Variants in GNG12 observed in about 807,000 individuals in gnomAD.
The protein encoded by GNG12 is guanine nucleotide-binding protein G(I)/G(S)/G(O) subunit gamma-12.
For missense variants in GNG12, 69 were observed against 83.8 expected (o/e 0.82, Z 0.69); for synonymous variants, 28 against 29.7 (o/e 0.94, Z 0.19).
chr1:67,782,419 C>G (rs1366294101), intron 1 of GNG12, among the ~76,000 whole-genome samples: 1 of 152,156 alleles, frequency 6.6e-6, no homozygotes. Flanking sequence ...AAAGGTTGAA[C>G]TGGCCTATTT....
chr1:67,812,315 C>A, intron 1 of GNG12, among the ~76,000 whole-genome samples: 1 of 152,282 alleles, frequency 6.6e-6, no homozygotes, highest in African/African-American at 2.4e-5. Flanking sequence ...GAGCTCATCT[C>A]ATTGATTTTC....
intron 1 of GNG12, among the ~76,000 whole-genome samples, chr1:67,800,280 A>G (rs1489730960): frequency 1.3e-5 from 2 of 152,224 alleles, no homozygotes; most frequent in Non-Finnish European, 2.9e-5. Context: ...TGATCTCATC[A>G]GCAAAGTCGA....
At chr1:67,774,074 T>G (rs1165397004) in intron 2 of GNG12, among the ~76,000 whole-genome samples, 1 of 152,180 alleles carries the variant, frequency 6.6e-6, no homozygotes, top group Non-Finnish European at 1.5e-5. Context: ...TGTGTGGCAT[T>G]ATCTTTATGA....
At chr1:67,831,784 T>TA (rs1377606218) in intron 1 of GNG12, among the ~76,000 whole-genome samples, 12 of 152,222 alleles carry the variant, frequency 7.9e-5, no homozygotes, top group East Asian at 1.9e-4. Flanking sequence ...ATAATTTGGT[T>TA]AAAAAAACAA....
intron 2 of GNG12, among the ~76,000 whole-genome samples, chr1:67,738,514 CCCCTGG>C (rs1456519590): frequency 6.6e-6 from 1 of 152,154 alleles, no homozygotes; most frequent in Non-Finnish European, 1.5e-5. Context: ...CTTCAACCTC[CCCCTGG>C]AGCTCTGGTC....
intron 2 of GNG12, among the ~76,000 whole-genome samples, chr1:67,720,086 T>C (rs1410309754): frequency 6.6e-6 from 1 of 152,206 alleles, no homozygotes; most frequent in Non-Finnish European, 1.5e-5. Context: ...CCACAGATGC[T>C]CACTTGCTTG....
intron 2 of GNG12, among the ~76,000 whole-genome samples, chr1:67,752,359 A>G (rs1329922593): frequency 1.3e-5 from 2 of 152,258 alleles, no homozygotes; most frequent in African/African-American, 4.8e-5. Context: ...TGAATGTACC[A>G]GGATCACAAC....
chr1:67,833,013 G>A (rs1647058671), intron 1 of GNG12, among the ~76,000 whole-genome samples: 1 of 152,022 alleles, frequency 6.6e-6, no homozygotes, highest in Admixed American at 6.5e-5. Context: ...CCCAGCCCTA[G>A]CCCCAGCCAC....
At chr1:67,771,493 C>T (rs1646674349) in intron 2 of GNG12, among the ~76,000 whole-genome samples, 1 of 152,222 alleles carries the variant, frequency 6.6e-6, no homozygotes, top group South Asian at 2.1e-4. Context: ...TTCAGCAAAA[C>T]TTTTGCGACT....
chr1:67,775,645 A>T (rs2100760877), intron 2 of GNG12, among the ~76,000 whole-genome samples: 1 of 152,330 alleles, frequency 6.6e-6, no homozygotes, highest in African/African-American at 2.4e-5. Flanking sequence ...GCAGGCATAT[A>T]TCGCCTTTAG....
rs1365375016 is a variant in GNG12 at position 67,709,924 on chromosome 1, TTATATATATAGTTA to T, written c.-26-2226_-26-2213del. Among the ~76,000 whole-genome samples the T allele has an allele frequency of 1.5e-3, 61 of 41,370 alleles. 8 individuals are homozygous for T. Among genetic ancestry groups the T allele is most frequent in the African/African-American group, 4.6e-3 (52 of 11,366 alleles). 27.1% of individuals were successfully genotyped at this position (41,370 alleles called of 152,430 possible). A position where few individuals can be genotyped will look rare whatever the true frequency, so the allele number is the denominator to read the frequency against. Reference sequence around the variant, plus strand: ...TATTTTTATATAGTTATATATATAGTTATATATATAGTTATATATATATAGTTATATATATAGTT... The same window carrying T: ...TATTTTTATATAGTTATATATATAGTTATATATATAGTTATATATATAGTT... On this transcript the variant is annotated intron_variant, in intron 2 of 3. Transcript: ENST00000370982.
chr1:67,709,949 G>T (rs1284867111), intron 2 of GNG12, among the ~76,000 whole-genome samples: 3 of 17,230 alleles, frequency 1.7e-4, no homozygotes, highest in Non-Finnish European at 2.6e-4. Context: ...TATATATATA[G>T]TTATATATAT....
At chr1:67,811,174 T>C (rs1226754444) in intron 1 of GNG12, among the ~76,000 whole-genome samples, 1 of 152,176 alleles carries the variant, frequency 6.6e-6, no homozygotes, top group African/African-American at 2.4e-5. Context: ...CTTTTTTTCT[T>C]TATAAGCAGA....
chr1:67,822,130 C>T (rs893221182), intron 1 of GNG12, among the ~76,000 whole-genome samples: 5 of 151,948 alleles, frequency 3.3e-5, no homozygotes, highest in Non-Finnish European at 4.4e-5. Flanking sequence ...TGTATTGGGC[C>T]GCATTCAAAG....
intron 2 of GNG12, among the ~76,000 whole-genome samples, chr1:67,708,328 G>A (rs997831312): frequency 4.6e-5 from 7 of 152,162 alleles, no homozygotes; most frequent in Non-Finnish European, 1.0e-4. Flanking sequence ...TTTCAGTGGA[G>A]ACTCTCCGTG....
intron 1 of GNG12, among the ~76,000 whole-genome samples, chr1:67,805,285 T>C (rs1646888767): frequency 6.6e-6 from 1 of 152,216 alleles, no homozygotes; most frequent in African/African-American, 2.4e-5. Context: ...CATGTCTGCC[T>C]TTCATTCAAA....
At chr1:67,786,143 A>G (rs984343147) in intron 1 of GNG12, among the ~76,000 whole-genome samples, 3 of 152,238 alleles carry the variant, frequency 2.0e-5, no homozygotes, top group African/African-American at 7.2e-5. Context: ...GTGAGCCATG[A>G]GATCTTCAAA....
chr1:67,765,737 T>C (rs150125761), intron 2 of GNG12, among the ~76,000 whole-genome samples: 101 of 152,348 alleles, frequency 6.6e-4, no homozygotes, highest in Non-Finnish European at 1.4e-3. Flanking sequence ...CAGGTGTAAA[T>C]GAAACGATGC....
At chr1:67,749,020 CT>C (rs1355759609) in intron 2 of GNG12, among the ~76,000 whole-genome samples, 2 of 152,052 alleles carry the variant, frequency 1.3e-5, no homozygotes, top group Non-Finnish European at 2.9e-5. Context: ...TTTCCAAGGA[CT>C]TTCCCTCTTC....
Sources: allele counts gnomAD v4.1 joint callset (sites outside exome capture counted in the v4.1 genomes callset), GRCh38; gene constraint gnomAD v4.1.1; transcripts MANE v1.5; gene names NCBI Gene and HGNC (gene_info 2026-07-23, HGNC 2026-07-21).